Variants in RRBP1 observed in about 807,000 individuals in gnomAD.
The protein encoded by RRBP1 is ribosome binding protein 1.
RRBP1 carries 94 observed loss-of-function variants against 165.2 expected under a neutral mutation model. The ratio of observed to expected loss-of-function variants is 0.57; its 90% CI spans 0.48 to 0.68. The LOEUF is 0.68. RRBP1 is among the 30% of genes least tolerant of loss of function. The pLI is 0.00. For missense variants in RRBP1, 1,676 were observed against 1,763.0 expected (o/e 0.95, Z 0.88); for synonymous variants, 680 against 714.5 (o/e 0.95, Z 0.77).
intron 13 of RRBP1, among the ~76,000 whole-genome samples, chr20:17,622,669 G>T (rs1015144820): frequency 6.6e-6 from 1 of 152,074 alleles, no homozygotes; most frequent in African/African-American, 2.4e-5. Flanking sequence ...GAAACAAAAG[G>T]AAACAAAGGG....
chr20:17,636,881 T>C, intron 5 of RRBP1, 152 bp from the exon 6 acceptor site: 1 of 920,870 alleles, frequency 1.1e-6, no homozygotes, highest in Non-Finnish European at 1.6e-6. Context: ...TCAAGCCAGC[T>C]GCAGTGGGAA....
Position 17,633,541 on chromosome 20 carries a change from C to T in RRBP1, c.2529G>A (p.Glu843=), listed in dbSNP as rs1435193789. The T allele has an allele frequency of 6.2e-7, 1 of 1,614,090 alleles. No homozygotes were observed. The highest frequency in any genetic ancestry group is 1.1e-5 in the South Asian group (1 of 91,086). The part of the protein sequence containing the change: ...KVSKELVEKS[E]AVRQDEQQRK... ...GCTGCTGCTCATCTTGCCGCACAGC[C>T]TCTGACTTCTCCACCAGCTCTTTGC... Residue 843 remains glutamate (E), a synonymous_variant, in exon 8 of 25, where the codon GAG becomes GAA. Coordinates refer to ENST00000377813, the MANE Select transcript of RRBP1 (RefSeq NM_001365613.2).
At chr20:17,650,423 A>G (rs1311385708) in intron 3 of RRBP1, among the ~76,000 whole-genome samples, 1 of 152,192 alleles carries the variant, frequency 6.6e-6, no homozygotes, top group African/African-American at 2.4e-5. Context: ...AGGCTGGGGA[A>G]AGAGGGCCCC....
At chr20:17,649,157 G>T (rs1158772926) in intron 3 of RRBP1, among the ~76,000 whole-genome samples, 1 of 152,206 alleles carries the variant, frequency 6.6e-6, no homozygotes, top group Non-Finnish European at 1.5e-5. Flanking sequence ...GTGAATAAAG[G>T]GTCATAAGCC....
At chr20:17,639,132 A>C (rs1232493791) in intron 5 of RRBP1, among the ~76,000 whole-genome samples, 1 of 152,230 alleles carries the variant, frequency 6.6e-6, no homozygotes, top group Non-Finnish European at 1.5e-5. Context: ...ATGTTTTTCC[A>C]GAAGGTTGTG....
At chr20:17,641,073 C>T (rs6044929) in intron 5 of RRBP1, among the ~76,000 whole-genome samples, 1,676 of 152,282 alleles carry the variant, frequency 0.011, 34 homozygotes, top group African/African-American at 0.038. Context: ...GGGCCCCTCA[C>T]CCTGCCCTTC....
chr20:17,678,888 A>G (rs2037128822), intron 2 of RRBP1, among the ~76,000 whole-genome samples: 1 of 152,200 alleles, frequency 6.6e-6, no homozygotes, highest in African/African-American at 2.4e-5. Flanking sequence ...CCCTCGGTGA[A>G]AAAAATGAAA....
intron 11 of RRBP1, among the ~76,000 whole-genome samples, 161 bp downstream of exon 11, chr20:17,627,187 C>T (rs1469693448): frequency 6.6e-6 from 1 of 151,996 alleles, no homozygotes; most frequent in South Asian, 2.1e-4. Flanking sequence ...AGGCCTGTCC[C>T]GTCCTCTAAA....
chr20:17,639,928 A>G (rs1471475890), intron 5 of RRBP1, among the ~76,000 whole-genome samples: 1 of 151,588 alleles, frequency 6.6e-6, no homozygotes, highest in African/African-American at 2.4e-5. Flanking sequence ...TAAGGTAAAC[A>G]CATCGGCTCT....
chr20:17,633,356 A>G, intron 8 of RRBP1, 104 bp downstream of exon 8: 2 of 1,250,732 alleles, frequency 1.6e-6, no homozygotes, highest in Admixed American at 2.1e-5. Flanking sequence ...AAGGCTAGAA[A>G]CGGGTGCCCA....
chr20:17,615,995 C>A lies in RRBP1; in HGVS notation c.3882G>T (p.Leu1294=). Residue 1294 remains leucine (L), a synonymous_variant, in exon 22 of 25, where the codon CTG becomes CTT. Transcript: ENST00000377813. ...EQDPVQLKTQ[L]EWTEAILEDE... ...CCTCCAGGATGGCTTCTGTCCACTCCAGCTGCGTCTTCAGCTGTGCAAACA... is the reference window on the plus strand; with the variant it reads ...CCTCCAGGATGGCTTCTGTCCACTCAAGCTGCGTCTTCAGCTGTGCAAACA... 2 of 1,606,990 alleles carry A rather than the reference C, an allele frequency of 1.2e-6. No individual in the cohort carries two copies. The highest frequency in any genetic ancestry group is 1.1e-5 in the South Asian group (1 of 91,022).
At chr20:17,632,874 A>AG (rs938691967) in intron 8 of RRBP1, among the ~76,000 whole-genome samples, 2 of 152,142 alleles carry the variant, frequency 1.3e-5, no homozygotes, top group African/African-American at 4.8e-5. Context: ...CTCCCTCTGA[A>AG]GGAGAACAGG....
intron 12 of RRBP1, 88 bp from the exon 13 acceptor site, chr20:17,624,756 C>CA: frequency 1.0e-6 from 1 of 961,798 alleles, no homozygotes; most frequent in South Asian, 1.4e-5. Context: ...GGCCCAGAGA[C>CA]CCTCCTTGAT....
In RRBP1 at chr20:17,621,528, C is replaced by G. The variant is rs1206029783; in HGVS notation, c.3344G>C (p.Arg1115Thr). The change falls in exon 16 of 25, where the codon AGG becomes ACG. Residue 1115 changes from arginine (R) to threonine (T), a missense_variant. By Grantham distance (71) the Arg-to-Thr change is moderately conservative. Around this residue, in one of 5 missense-constraint regions of RRBP1, gnomAD observed 1,184 missense variants for 1,167.1 expected, o/e 1.01. Transcript: ENST00000377813. Reference protein sequence around the residue: ...EPSSDLASKLREAEETQSTLQ... With the variant: ...EPSSDLASKLTEAEETQSTLQ... ...TGTGCTCTGCGTCTCCTCGGCCTCC[C>G]TCAACTTGGAGGCCAGGTCCTGAGA... 1 of 1,612,656 alleles carries G rather than the reference C, an allele frequency of 6.2e-7. No individual in the cohort carries two copies. Among genetic ancestry groups the G allele is most frequent in the South Asian group, 1.1e-5 (1 of 91,036 alleles).
At chr20:17,662,250 G>A (rs928458003) in intron 2 of RRBP1, among the ~76,000 whole-genome samples, 7 of 150,538 alleles carry the variant, frequency 4.6e-5, no homozygotes, top group Admixed American at 6.6e-5. Context: ...GCGACAGAGC[G>A]AGACTCCGTC....
intron 3 of RRBP1, among the ~76,000 whole-genome samples, chr20:17,653,490 G>A (rs540779862): frequency 2.0e-5 from 3 of 152,366 alleles, no homozygotes; most frequent in Admixed American, 6.5e-5. Context: ...AGAATAAGCA[G>A]ACTGTGACGG....
intron 3 of RRBP1, among the ~76,000 whole-genome samples, chr20:17,646,399 C>T (rs1169437699): frequency 1.3e-5 from 2 of 152,228 alleles, no homozygotes; most frequent in Non-Finnish European, 2.9e-5. Context: ...GGCAGTGGGG[C>T]ACCAAGGTCA....
rs566175191 is a variant in RRBP1 at position 17,625,708 on chromosome 20, T to C, written c.2964-106A>G. 7.7e-5 allele frequency: 73 copies of C among 953,832 alleles called. No homozygotes were observed. In the African/African-American group the frequency reaches 1.0e-3, roughly 13 times the overall value. 59.1% of individuals were successfully genotyped at this position (953,832 alleles called of 1,614,324 possible). A position where few individuals can be genotyped will look rare whatever the true frequency, so the allele number is the denominator to read the frequency against. On this transcript the variant is annotated intron_variant, in intron 11 of 24. Transcript: ENST00000377813. ...GAGGAGTACCTTCGAGGCTGAACCA[T>C]CTGGCCAGGGACGGTCCCTTCTGGC...
Position 17,659,989 on chromosome 20 carries a change from AGC to A in RRBP1, c.517_518del (p.Ala173SerfsTer40). 6.2e-7 allele frequency: 1 copy of A among 1,610,616 alleles called. No homozygotes were observed. On this transcript the variant is annotated frameshift_variant, in exon 3 of 25. Coordinates refer to ENST00000377813, the MANE Select transcript of RRBP1 (RefSeq NM_001365613.2). LOFTEE classifies it high-confidence loss of function. ...LTSKAAILET[A>X]PKEVPMVVVP... ...CCACCACCATCGGCACCTCCTTGGGAGCAGTTTCCAAGATGGCAGCCTTCGAA... is the reference window on the plus strand; with the variant it reads ...CCACCACCATCGGCACCTCCTTGGGAAGTTTCCAAGATGGCAGCCTTCGAA...
Sources: allele counts gnomAD v4.1 joint callset (sites outside exome capture counted in the v4.1 genomes callset), GRCh38; gene constraint gnomAD v4.1.1; regional missense constraint gnomAD v4.1.1; transcripts MANE v1.5; gene names NCBI Gene and HGNC (gene_info 2026-07-23, HGNC 2026-07-21).